Variants in ADA2 observed in about 807,000 individuals in gnomAD.
The protein encoded by ADA2 is adenosine deaminase 2, also known as adenosine deaminase CECR1.
Under a neutral mutation model 44.2 loss-of-function variants are expected in ADA2, and 29 were observed. The ratio of observed to expected loss-of-function variants is 0.66; its 90% CI spans 0.49 to 0.89. The LOEUF is 0.89. ADA2 is among the 40% of genes least tolerant of loss of function. ADA2 has a pLI of 0.00. For missense variants in ADA2, 637 were observed against 644.8 expected, an observed-to-expected ratio of 0.99 and a Z score of 0.13; for synonymous variants, 215 against 234.9, an observed-to-expected ratio of 0.92 and a Z score of 0.77.
At position 17,191,665 on chromosome 22, in the gene ADA2, A is replaced by G; in HGVS notation, c.881+18T>C. On this transcript the variant is annotated intron_variant, in intron 5 of 9. Transcript: ENST00000399837. ...CCCAGCCTCCCAACCCGAGCTTTTC[A>G]GCAATATTCTCTCTCACCTGTGATC... 1 of 1,612,190 alleles carries G rather than the reference A, an allele frequency of 6.2e-7. No individual in the cohort carries two copies.
chr22:17,213,688 C>A, intron 1 of ADA2: 1 of 246,966 alleles, frequency 4.0e-6, no homozygotes. Context: ...AAGTGGACCC[C>A]GGCCCGCGCA....
intron 7 of ADA2, among the ~76,000 whole-genome samples, chr22:17,182,970 A>C (rs1418419885): frequency 3.3e-5 from 5 of 152,236 alleles, no homozygotes; most frequent in Non-Finnish European, 2.9e-5. Context: ...GCTTTATTAA[A>C]TTAATCATCT....
At chr22:17,190,668 C>T (rs932506919) in intron 5 of ADA2, among the ~76,000 whole-genome samples, 2 of 152,230 alleles carry the variant, frequency 1.3e-5, no homozygotes, top group African/African-American at 4.8e-5. Flanking sequence ...GGGGATAAAG[C>T]CTTCCTGGCC....
intron 4 of ADA2, chr22:17,199,571 G>T (rs766270323): frequency 6.2e-7 from 1 of 1,614,036 alleles, no homozygotes; most frequent in South Asian, 1.1e-5. Flanking sequence ...CCATTCCAGG[G>T]AATCCATCTC....
At chr22:17,181,667 C>A in intron 9 of ADA2, 91 bp from the exon 10 acceptor site, 1 of 1,094,880 alleles carries the variant, frequency 9.1e-7, no homozygotes, top group Non-Finnish European at 1.4e-6. Context: ...CCTTGCAGAG[C>A]ACTCTCCCCA....
intron 4 of ADA2, among the ~76,000 whole-genome samples, chr22:17,195,935 G>A (rs1248431114): frequency 6.6e-6 from 1 of 151,914 alleles, no homozygotes; most frequent in Non-Finnish European, 1.5e-5. Flanking sequence ...TTCTGGTAGA[G>A]ACGGGGTTTC....
At chr22:17,194,097 T>A (rs2062159654) in intron 4 of ADA2, among the ~76,000 whole-genome samples, 1 of 151,914 alleles carries the variant, frequency 6.6e-6, no homozygotes, top group African/African-American at 2.4e-5. Flanking sequence ...AGCAGTTTGT[T>A]GTGACTGGAT....
At chr22:17,213,392 T>G (rs1437304173) in intron 1 of ADA2, 2 of 166,192 alleles carry the variant, frequency 1.2e-5, no homozygotes, top group African/African-American at 4.8e-5. Flanking sequence ...TGTACTCGGA[T>G]GCTTATTGCA....
intron 4 of ADA2, among the ~76,000 whole-genome samples, chr22:17,201,635 C>T (rs991733709): frequency 6.0e-4 from 92 of 152,288 alleles, no homozygotes; most frequent in African/African-American, 2.1e-3. Flanking sequence ...ACCCAAGGAT[C>T]CTGCCCACTC....
rs1208922264 is a variant in ADA2, at chr22:17,191,814, G to T, written c.754-4C>A. 1 of 1,611,142 alleles carries T rather than the reference G, an allele frequency of 6.2e-7. No individual in the cohort carries two copies. Among genetic ancestry groups the T allele is most frequent in the Admixed American group, 1.7e-5 (1 of 59,854 alleles). ...GCTCTCCACTGAGCTCATACACCTG[G>T]GAAGAAAGCACAACCAGGAGCCGTC... On this transcript the variant is annotated splice_polypyrimidine_tract_variant and splice_region_variant and intron_variant, in intron 4 of 9. Coordinates refer to ENST00000399837, the MANE Select transcript of ADA2 (RefSeq NM_001282225.2).
intron 7 of ADA2, among the ~76,000 whole-genome samples, chr22:17,185,656 C>A (rs1013166969): frequency 1.3e-5 from 2 of 152,120 alleles, no homozygotes; most frequent in African/African-American, 4.8e-5. Flanking sequence ...AACCCCCTCC[C>A]CCTCAAACAA....
chr22:17,204,859 A>G (rs1471169507), intron 3 of ADA2, among the ~76,000 whole-genome samples: 3 of 150,952 alleles, frequency 2.0e-5, no homozygotes, highest in Non-Finnish European at 4.4e-5. Flanking sequence ...CAGTGTCACA[A>G]TCACAGCTCG....
At chr22:17,190,110 AGG>A in intron 5 of ADA2, 78 bp from the exon 6 acceptor site, 4 of 1,183,476 alleles carry the variant, frequency 3.4e-6, no homozygotes, top group Non-Finnish European at 5.0e-6. Context: ...CCCTCCGTGC[AGG>A]GCTGGGCCAG....
intron 4 of ADA2, among the ~76,000 whole-genome samples, chr22:17,197,621 G>A (rs2062209350): frequency 6.6e-6 from 1 of 152,200 alleles, no homozygotes; most frequent in Non-Finnish European, 1.5e-5. Flanking sequence ...ATTCACTTAA[G>A]AAGTGTTGAG....
intron 6 of ADA2, chr22:17,188,870 T>TAG (rs2062077294): frequency 2.5e-5 from 1 of 39,856 alleles, no homozygotes; most frequent in Non-Finnish European, 5.6e-5. Flanking sequence ...GAGCAAAAAA[T>TAG]ATATATATAT....
At chr22:17,183,962 T>TTC (rs2062005436) in intron 7 of ADA2, among the ~76,000 whole-genome samples, 1 of 127,074 alleles carries the variant, frequency 7.9e-6, no homozygotes, top group Non-Finnish European at 1.7e-5. Context: ...TTTCTTTTTT[T>TTC]TTTTTTTTTT....
At chr22:17,203,481 G>T in intron 4 of ADA2, 82 bp downstream of exon 4, 1 of 1,134,310 alleles carries the variant, frequency 8.8e-7, no homozygotes, top group Non-Finnish European at 1.3e-6. Context: ...CAATTCATGA[G>T]CATTCAGTCT....
At chr22:17,215,368 AGGCAGG>A (rs1285931279) in intron 1 of ADA2, among the ~76,000 whole-genome samples, 3 of 116,284 alleles carry the variant, frequency 2.6e-5, no homozygotes, top group African/African-American at 8.2e-5. Flanking sequence ...TGGGAGGCCG[AGGCAGG>A]AGGCAGGTGG....
chr22:17,199,440 T>TTCCCCTCCCACCCCTCCTCTATCCTCA, intron 4 of ADA2: 2 of 1,027,938 alleles, frequency 1.9e-6, no homozygotes, highest in Non-Finnish European at 3.1e-6. Flanking sequence ...CTCTATCCTC[T>TTCCCCTCCCACCCCTCCTCTATCCTCA]TCCCCTCCAC....
Sources: allele counts gnomAD v4.1 joint callset (sites outside exome capture counted in the v4.1 genomes callset), GRCh38; gene constraint gnomAD v4.1.1; transcripts MANE v1.5; gene names NCBI Gene and HGNC (gene_info 2026-07-23, HGNC 2026-07-21).